Variants in MYO3B observed in about 807,000 individuals in gnomAD.
The protein encoded by MYO3B is myosin IIIB.
MYO3B carries 156 observed loss-of-function variants against 174.6 expected under a neutral mutation model. The ratio of observed to expected loss-of-function variants is 0.89; its 90% CI spans 0.78 to 1.02. The LOEUF (loss-of-function observed/expected upper bound fraction) is 1.02, where lower values mean the gene tolerates loss of function less well. MYO3B is among the 50% of genes least tolerant of loss of function. MYO3B has a pLI of 0.00. For missense variants in MYO3B, 1,632 were observed against 1,639.4 expected (o/e 1.00, Z 0.08); for synonymous variants, 563 against 569.1 (o/e 0.99, Z 0.15).
intron 6 of MYO3B, among the ~76,000 whole-genome samples, chr2:170,233,909 C>T (rs951678689): frequency 2.6e-5 from 4 of 152,096 alleles, no homozygotes; most frequent in Non-Finnish European, 5.9e-5. Context: ...CGGTGGCTCA[C>T]GCCTGTAATC....
chr2:170,314,366 A>G (rs2093759866), intron 7 of MYO3B, among the ~76,000 whole-genome samples: 2 of 152,174 alleles, frequency 1.3e-5, no homozygotes, highest in Non-Finnish European at 2.9e-5. Context: ...ATTCATCTCA[A>G]TGAAGTGTGT....
At chr2:170,514,756 A>C (rs1292314269) in intron 28 of MYO3B, among the ~76,000 whole-genome samples, 165 bp from the exon 29 acceptor site, 1 of 152,208 alleles carries the variant, frequency 6.6e-6, no homozygotes, top group Non-Finnish European at 1.5e-5. Context: ...CACTGTATTA[A>C]ATCTTAAAAA....
At chr2:170,467,739 G>T (rs1252447763) in intron 25 of MYO3B, among the ~76,000 whole-genome samples, 5 of 150,572 alleles carry the variant, frequency 3.3e-5, no homozygotes, top group Non-Finnish European at 7.4e-5. Context: ...TTTCTCAGGA[G>T]AGGATGAGTC....
intron 8 of MYO3B, among the ~76,000 whole-genome samples, chr2:170,358,255 A>T (rs558277093): frequency 1.6e-4 from 24 of 152,358 alleles, no homozygotes; most frequent in Non-Finnish European, 3.4e-4. Flanking sequence ...AACATTATTT[A>T]ACAATAAAAA....
chr2:170,357,621 A>G (rs2105629927), intron 8 of MYO3B, among the ~76,000 whole-genome samples: 1 of 151,954 alleles, frequency 6.6e-6, no homozygotes, highest in East Asian at 1.9e-4. Context: ...TTATTTAAGC[A>G]CCTATTGTTT....
At chr2:170,471,196 T>A (rs1300325203) in intron 25 of MYO3B, among the ~76,000 whole-genome samples, 1 of 151,936 alleles carries the variant, frequency 6.6e-6, no homozygotes, top group Non-Finnish European at 1.5e-5. Flanking sequence ...ATTACAGGCA[T>A]CTGCCACCAT....
Position 170,566,041 on chromosome 2 carries a change from T to G in MYO3B, c.3733+22053T>G, listed in dbSNP as rs75213835. The stretch of plus-strand genomic sequence containing the variant: ...TTTGTTGCAAGAGTCTGGACTATAA[T>G]AATCAGTGAAGGCAACTTGAAATAT... On this transcript the variant is annotated intron_variant, in intron 32 of 34. Transcript: ENST00000408978. Among the ~76,000 whole-genome samples the G allele has an allele frequency of 8.4e-3, 1,277 of 152,310 alleles. 48 individuals carry two copies. The East Asian group carries it at 0.089, about 11-fold the overall frequency.
At chr2:170,300,098 G>A (rs2093656107) in intron 7 of MYO3B, among the ~76,000 whole-genome samples, 1 of 152,190 alleles carries the variant, frequency 6.6e-6, no homozygotes, top group South Asian at 2.1e-4. Context: ...AGTGCCGATA[G>A]GGCAGACATT....
rs569735566 is a variant in MYO3B at position 170,242,164 on chromosome 2, A to T, written c.749+6028A>T. 2.2e-4 allele frequency among the ~76,000 whole-genome samples: 34 copies of T among 152,290 alleles called. 1 individual carries two copies. In the South Asian group the frequency reaches 6.8e-3, roughly 31 times the overall value. On this transcript the variant is annotated intron_variant, in intron 7 of 34. Transcript: ENST00000408978. ...AGGTCACTTAGCTATTGGCCTTTTG[A>T]GCAATGAATCCCCACGATCCAAGCT...
intron 32 of MYO3B, among the ~76,000 whole-genome samples, chr2:170,561,919 C>T (rs1309431857): frequency 6.6e-6 from 1 of 151,922 alleles, no homozygotes; most frequent in Non-Finnish European, 1.5e-5. Flanking sequence ...TCTTTTTCTT[C>T]TTCATTAAAC....
At chr2:170,348,577 T>A (rs945325096) in intron 8 of MYO3B, 2 of 152,096 alleles carry the variant, frequency 1.3e-5, no homozygotes, top group African/African-American at 2.4e-5. Flanking sequence ...CAACATCCTA[T>A]GTACCTTTTT....
At chr2:170,449,701 C>G (rs947605791) in intron 23 of MYO3B, among the ~76,000 whole-genome samples, 1 of 151,774 alleles carries the variant, frequency 6.6e-6, no homozygotes, top group Non-Finnish European at 1.5e-5. Context: ...TGCTTGAACC[C>G]AGGAGGCAGA....
At chr2:170,207,417 G>A in intron 3 of MYO3B, among the ~76,000 whole-genome samples, 1 of 152,104 alleles carries the variant, frequency 6.6e-6, no homozygotes, top group East Asian at 1.9e-4. Flanking sequence ...AGGGGGTGGG[G>A]ATAGCTCAAA....
chr2:170,522,605 T>A (rs1286135039), intron 30 of MYO3B, among the ~76,000 whole-genome samples: 2 of 152,188 alleles, frequency 1.3e-5, no homozygotes, highest in Admixed American at 1.3e-4. Flanking sequence ...GGTTCCGACT[T>A]CTCAGGCTGC....
chr2:170,533,425 T>TGGGGGGG (rs10706524), intron 30 of MYO3B, among the ~76,000 whole-genome samples: 5 of 115,762 alleles, frequency 4.3e-5, no homozygotes, highest in African/African-American at 1.1e-4. Flanking sequence ...TTTGTGGGGG[T>TGGGGGGG]GGGGGGGGGG....
At chr2:170,326,190 T>G (rs950925048) in intron 7 of MYO3B, among the ~76,000 whole-genome samples, 1 of 151,806 alleles carries the variant, frequency 6.6e-6, no homozygotes, top group Non-Finnish European at 1.5e-5. Context: ...ACATCTCTCA[T>G]TAGACACACT....
At position 170,200,297 on chromosome 2, in the gene MYO3B, C is replaced by T; in HGVS notation, c.321+13C>T. ...GCTGGTCCTGGAGGTAAGAGGCTCCCATTGGGTAACCAGTGATTTGAACAG... is the reference window on the plus strand; with the variant it reads ...GCTGGTCCTGGAGGTAAGAGGCTCCTATTGGGTAACCAGTGATTTGAACAG... On this transcript the variant is annotated intron_variant, in intron 3 of 34. Transcript: ENST00000408978. 6.2e-7 allele frequency: 1 copy of T among 1,606,216 alleles called. No homozygotes were observed.
At chr2:170,335,576 G>C in intron 8 of MYO3B, 126 bp downstream of exon 8, 1 of 664,326 alleles carries the variant, frequency 1.5e-6, no homozygotes, top group South Asian at 2.3e-5. Context: ...TATGACTCGG[G>C]GTTTGTTCTA....
intron 32 of MYO3B, among the ~76,000 whole-genome samples, chr2:170,578,602 T>C (rs1212332463): frequency 1.3e-5 from 2 of 152,220 alleles, no homozygotes; most frequent in East Asian, 1.9e-4. Context: ...TTTTACATAA[T>C]CTGTGCGTTG....
Sources: allele counts gnomAD v4.1 joint callset (sites outside exome capture counted in the v4.1 genomes callset), GRCh38; gene constraint gnomAD v4.1.1; transcripts MANE v1.5; gene names NCBI Gene and HGNC (gene_info 2026-07-23, HGNC 2026-07-21).